HECTD4: variants seen among roughly 807,000 people sequenced by gnomAD.
HECTD4 encodes the protein probable E3 ubiquitin-protein ligase HECTD4.
In HECTD4, 114 loss-of-function variants were observed where a neutral mutation model predicts 471.5. That is an observed-to-expected ratio of 0.24 (90% CI 0.21 to 0.28). HECTD4 has a LOEUF of 0.28. HECTD4 is among the 10% of genes least tolerant of loss of function. The pLI is 1.00. For missense variants in HECTD4, 3,866 were observed against 5,651.5 expected, an observed-to-expected ratio of 0.68 and a Z score of 10.13; for synonymous variants, 2,012 against 2,256.0, an observed-to-expected ratio of 0.89 and a Z score of 3.07.
chr12:112,375,360 G>A (rs1026229028), intron 1 of HECTD4, among the ~76,000 whole-genome samples: 6 of 152,132 alleles, frequency 3.9e-5, no homozygotes, highest in Admixed American at 1.3e-4. Flanking sequence ...GAACATTCAC[G>A]TTCAAGTCTT....
intron 9 of HECTD4, 49 bp from the exon 10 acceptor site, chr12:112,275,009 A>G (rs2034497666): frequency 8.6e-7 from 1 of 1,156,418 alleles, no homozygotes; most frequent in Non-Finnish European, 1.2e-6. Flanking sequence ...GATTATTTTT[A>G]AAGTTTAAAT....
intron 52 of HECTD4, among the ~76,000 whole-genome samples, 194 bp downstream of exon 52, chr12:112,207,680 C>G (rs1227191530): frequency 7.2e-5 from 11 of 152,134 alleles, no homozygotes; most frequent in Non-Finnish European, 1.6e-4. Context: ...CCAAAATATT[C>G]AGCTAAATTG....
intron 39 of HECTD4, chr12:112,231,179 G>T: frequency 2.3e-6 from 1 of 439,324 alleles, no homozygotes; most frequent in Non-Finnish European, 4.1e-6. Flanking sequence ...AAAGAAGTTT[G>T]TGTTCAGTTG....
chr12:112,203,476 G>A, intron 54 of HECTD4, 160 bp downstream of exon 54: 2 of 575,040 alleles, frequency 3.5e-6, no homozygotes, highest in Non-Finnish European at 5.9e-6. Context: ...GAAAGCTCAG[G>A]CAAGTCAATT....
intron 52 of HECTD4, among the ~76,000 whole-genome samples, chr12:112,207,493 T>C (rs2032626269): frequency 6.6e-6 from 1 of 152,130 alleles, no homozygotes; most frequent in Non-Finnish European, 1.5e-5. Context: ...GACTGCCAAA[T>C]CAACCTTGCA....
chr12:112,216,447 G>A (rs2032919163), intron 47 of HECTD4, 76 bp from the exon 48 acceptor site: 3 of 999,676 alleles, frequency 3.0e-6, no homozygotes, highest in Non-Finnish European at 3.1e-6. Context: ...ACAGGGAAGT[G>A]GTGAAGTGGA....
At chr12:112,181,303 C>T (rs1201534415) in intron 62 of HECTD4, among the ~76,000 whole-genome samples, 1 of 152,096 alleles carries the variant, frequency 6.6e-6, no homozygotes, top group Non-Finnish European at 1.5e-5. Flanking sequence ...AATTTTAACA[C>T]TTTGCTGATC....
intron 1 of HECTD4, among the ~76,000 whole-genome samples, chr12:112,361,482 C>T (rs2036449029): frequency 6.6e-6 from 1 of 152,080 alleles, no homozygotes; most frequent in Admixed American, 6.6e-5. Context: ...CTACATTGCC[C>T]AGGCTTGCTT....
At position 112,239,967 on chromosome 12, in the gene HECTD4, G is replaced by T. The variant is rs1416224373; in HGVS notation, c.5019C>A (p.Thr1673=). Residue 1673 remains threonine, a synonymous_variant, in exon 33 of 76, where the codon ACC becomes ACA. Transcript: ENST00000682272. This position sits in a 1 kb window ranked among gnomAD's most constrained non-coding sequence, Gnocchi z 4.9. Reference sequence around the variant, plus strand: ...CACACAGAGACACAACAGAGGTCATGGTCTCGCCAAAGGCTTCCTGGACCT... The same window carrying T: ...CACACAGAGACACAACAGAGGTCATTGTCTCGCCAAAGGCTTCCTGGACCT... ...VEQVQEAFGE[T]MTSVVSLCAR... is the part of the protein sequence containing the mutation. 6.2e-7 allele frequency: 1 copy of T among 1,613,986 alleles called. No individual in the cohort carries two copies. Among genetic ancestry groups the T allele is most frequent in the Non-Finnish European group, 8.5e-7 (1 of 1,179,854 alleles).
chr12:112,266,960 G>T lies in HECTD4; in HGVS notation c.2344C>A (p.Pro782Thr). The change falls in exon 14 of 76, where the codon CCA becomes ACA. Residue 782 changes from proline to threonine, a missense_variant. Physicochemically the swap from Pro to Thr is conservative, Grantham distance 38. Coordinates refer to ENST00000682272, the MANE Select transcript of HECTD4 (RefSeq NM_001388303.1). The part of the protein sequence containing the change: ...AISSGLNILY[P>T]GETEINNLLK... ...AAGTTATTGATTTCAGTTTCACCTG[G>T]GTACAAGATATTTAAACCAGAGCTG... 1.3e-6 allele frequency: 2 copies of T among 1,532,814 alleles called. No individual in the cohort carries two copies. Among genetic ancestry groups the T allele is most frequent in the Non-Finnish European group, 1.8e-6 (2 of 1,128,546 alleles). The allele number at this position is 1,532,814 out of a possible 1,614,324, so 95.0% of individuals were successfully genotyped here.
chr12:112,322,756 T>C (rs554132208), intron 1 of HECTD4: 12 of 153,108 alleles, frequency 7.8e-5, no homozygotes, highest in Non-Finnish European at 1.6e-4. Flanking sequence ...CCACCAAAGG[T>C]GTTACTGGCA....
At position 112,228,918 on chromosome 12, in the gene HECTD4, C is replaced by A. The variant is rs2033307229; in HGVS notation, c.6520-107G>T. Reference sequence around the variant, plus strand: ...TTTATAGTTGTCATTGTTGGCGTTACAGTAATAGTTTATACTACTAGGGTA... The same window carrying A: ...TTTATAGTTGTCATTGTTGGCGTTAAAGTAATAGTTTATACTACTAGGGTA... On this transcript the variant is annotated intron_variant, in intron 41 of 75. Coordinates refer to ENST00000682272, the MANE Select transcript of HECTD4 (RefSeq NM_001388303.1). The surrounding 1 kb of genome is among the most constrained non-coding windows in gnomAD (Gnocchi z 4.9). The A allele has an allele frequency of 2.7e-6, 3 of 1,111,282 alleles. No individual in the cohort carries two copies. Among genetic ancestry groups the A allele is most frequent in the Non-Finnish European group, 4.0e-6 (3 of 751,010 alleles). 68.8% of individuals were successfully genotyped at this position (1,111,282 alleles called of 1,614,324 possible).
chr12:112,238,818 G>T (rs1168924987), intron 34 of HECTD4, among the ~76,000 whole-genome samples: 9 of 152,018 alleles, frequency 5.9e-5, no homozygotes, highest in African/African-American at 2.2e-4. Flanking sequence ...AATTTCCTGG[G>T]ATTACTGTAC....
intron 8 of HECTD4, 38 bp downstream of exon 8, chr12:112,283,072 T>C (rs2034677206): frequency 6.4e-7 from 1 of 1,557,862 alleles, no homozygotes; most frequent in Non-Finnish European, 8.8e-7. Flanking sequence ...AACAGAGCTA[T>C]ACAAGGAAAC....
chr12:112,225,852 G>T (rs934482666), intron 44 of HECTD4, among the ~76,000 whole-genome samples: 1 of 152,018 alleles, frequency 6.6e-6, no homozygotes, highest in Non-Finnish European at 1.5e-5. Flanking sequence ...GCATTCAAAC[G>T]CCTGGGCTCA....
intron 1 of HECTD4, among the ~76,000 whole-genome samples, chr12:112,347,979 C>A (rs1478129291): frequency 6.6e-6 from 1 of 152,162 alleles, no homozygotes; most frequent in South Asian, 2.1e-4. Flanking sequence ...CTATCTTTGC[C>A]CCAGTCTTGA....
At chr12:112,313,883 CAGAG>C (rs1008501483) in intron 3 of HECTD4, among the ~76,000 whole-genome samples, 3 of 151,934 alleles carry the variant, frequency 2.0e-5, no homozygotes, top group Non-Finnish European at 4.4e-5. Flanking sequence ...TTGTGTGTGA[CAGAG>C]AGACAGAGTG....
intron 1 of HECTD4, among the ~76,000 whole-genome samples, chr12:112,320,591 C>T (rs947149439): frequency 1.4e-4 from 21 of 151,902 alleles, no homozygotes; most frequent in Admixed American, 8.5e-4. Context: ...GTCCCAGCTA[C>T]TCAGGACCCT....
chr12:112,167,221 G>T, intron 72 of HECTD4, 96 bp downstream of exon 72: 1 of 1,116,864 alleles, frequency 9.0e-7, no homozygotes, highest in Non-Finnish European at 1.3e-6. Flanking sequence ...TCCCAACCCA[G>T]CCTCAGCGGG....
Sources: allele counts gnomAD v4.1 joint callset (sites outside exome capture counted in the v4.1 genomes callset), GRCh38; gene constraint gnomAD v4.1.1; non-coding constraint Gnocchi (gnomAD v3.1); transcripts MANE v1.5; gene names NCBI Gene and HGNC (gene_info 2026-07-23, HGNC 2026-07-21).